Variants in CTNNA3 observed in about 807,000 individuals in gnomAD.
The protein encoded by CTNNA3 is catenin alpha-3.
Under a neutral mutation model 95.7 loss-of-function variants are expected in CTNNA3, and 76 were observed. The ratio of observed to expected loss-of-function variants is 0.79; its 90% CI spans 0.66 to 0.96. The LOEUF is 0.96. Ranked by LOEUF, CTNNA3 falls within the 40% of genes least tolerant of loss-of-function variation. The pLI is 0.00. For synonymous variants in CTNNA3, 431 were observed against 374.4 expected, an observed-to-expected ratio of 1.15 and a Z score of -1.74; for missense variants, 1,191 against 1,089.8, an observed-to-expected ratio of 1.09 and a Z score of -1.31.
chr10:67,435,489 G>GA (rs1007479915), intron 5 of CTNNA3, among the ~76,000 whole-genome samples: 5 of 151,414 alleles, frequency 3.3e-5, no homozygotes, highest in African/African-American at 1.2e-4. Context: ...TCAGACAAGA[G>GA]AAAAAAAATG....
At chr10:66,025,954 C>G (rs886503245) in intron 15 of CTNNA3, among the ~76,000 whole-genome samples, 14 of 152,184 alleles carry the variant, frequency 9.2e-5, no homozygotes, top group African/African-American at 3.4e-4. Flanking sequence ...CTCACATGTG[C>G]ACACACGCAC....
At chr10:66,851,160 T>C (rs1223586088) in intron 7 of CTNNA3, among the ~76,000 whole-genome samples, 1 of 152,128 alleles carries the variant, frequency 6.6e-6, no homozygotes, top group Non-Finnish European at 1.5e-5. Flanking sequence ...CCCTCCTCTC[T>C]GTGAAGTTAG....
At chr10:66,413,106 G>A (rs926209813) in intron 11 of CTNNA3, among the ~76,000 whole-genome samples, 1 of 152,078 alleles carries the variant, frequency 6.6e-6, no homozygotes, top group African/African-American at 2.4e-5. Context: ...ACTCTATCTT[G>A]TAAATGCACA....
chr10:66,302,136 A>G (rs2091871383), intron 12 of CTNNA3, among the ~76,000 whole-genome samples: 2 of 152,100 alleles, frequency 1.3e-5, no homozygotes, highest in African/African-American at 4.8e-5. Context: ...CCATGTGAAG[A>G]AAATTACAGA....
At chr10:66,764,977 T>A (rs4436449) in intron 9 of CTNNA3, among the ~76,000 whole-genome samples, 129,360 of 152,186 alleles carry the variant, frequency 0.85, 55,282 homozygotes, top group East Asian at 1. Flanking sequence ...GGTTTGGGTT[T>A]TATATCTTTA....
intron 11 of CTNNA3, among the ~76,000 whole-genome samples, chr10:66,420,325 A>G (rs912319292): frequency 2.0e-5 from 3 of 152,156 alleles, no homozygotes; most frequent in Non-Finnish European, 4.4e-5. Context: ...CAAAACCACA[A>G]TGAAATATTA....
At chr10:67,137,269 T>A (rs1312451785) in intron 7 of CTNNA3, among the ~76,000 whole-genome samples, 1 of 151,144 alleles carries the variant, frequency 6.6e-6, no homozygotes, top group African/African-American at 2.4e-5. Context: ...GTTTATATAT[T>A]GTTTTTGTCA....
In CTNNA3 at chr10:66,651,387, C is replaced by T. The variant is rs192429948; in HGVS notation, c.1282-29603G>A. Among the ~76,000 whole-genome samples the T allele has an allele frequency of 1.6e-3, 240 of 152,320 alleles. 2 individuals carry two copies. Among genetic ancestry groups the T allele is most frequent in the African/African-American group, 5.6e-3 (234 of 41,580 alleles). ...TCCAAGTCCCCACCTGACTCAGGAG[C>T]CCAGCTGGCTTCCTCTAGTGGATCA... On this transcript the variant is annotated intron_variant, in intron 9 of 17. Transcript: ENST00000433211.
At chr10:67,333,258 TAAAATGGCTGATGTTCCTA>T (rs1169279924) in intron 5 of CTNNA3, among the ~76,000 whole-genome samples, 3 of 152,104 alleles carry the variant, frequency 2.0e-5, no homozygotes, top group South Asian at 2.1e-4. Context: ...GAACTAAGAC[TAAAATGGCTGATGTTCCTA>T]AAAACCTCCC....
intron 7 of CTNNA3, among the ~76,000 whole-genome samples, chr10:66,978,202 G>A (rs1175946121): frequency 6.6e-6 from 1 of 151,908 alleles, no homozygotes; most frequent in Non-Finnish European, 1.5e-5. Context: ...CTAGAGATCT[G>A]CTGCACAACA....
In CTNNA3 at chr10:66,287,424, C is replaced by T. The variant is rs374325208; in HGVS notation, c.1733-6803G>A. Among the ~76,000 whole-genome samples, 6 of 151,990 alleles carry T rather than the reference C, an allele frequency of 3.9e-5. 1 individual carries two copies. The East Asian group carries it at 1.2e-3, about 29-fold the overall frequency. ...AAACTCTGTCAGGTCACTTTGTTTC[C>T]TCAGGAAAGTAGTAGGTAGTAGAGT... On this transcript the variant is annotated intron_variant, in intron 12 of 17. Coordinates refer to ENST00000433211, the MANE Select transcript of CTNNA3 (RefSeq NM_013266.4).
intron 5 of CTNNA3, among the ~76,000 whole-genome samples, chr10:67,302,527 A>G (rs1009885388): frequency 6.6e-6 from 1 of 152,256 alleles, no homozygotes; most frequent in Non-Finnish European, 1.5e-5. Context: ...TAATGTTTAT[A>G]CAATAAATAT....
chr10:67,180,270 T>C lies in CTNNA3; in HGVS notation c.1047+47A>G, dbSNP rs1862457180. 5 of 1,486,152 alleles carry C rather than the reference T, an allele frequency of 3.4e-6. No individual in the cohort carries two copies. The East Asian group carries it at 6.8e-5, about 20-fold the overall frequency. The allele number at this position is 1,486,152 out of a possible 1,614,324, so 92.1% of individuals were successfully genotyped here. A position where few individuals can be genotyped will look rare whatever the true frequency, so the allele number is the denominator to read the frequency against. ...AAAGTATCTCAGCCTATATTCAAAG[T>C]ACAAGGGAAGAGGGGCTAGGGATGG... On this transcript the variant is annotated intron_variant, in intron 7 of 17. Transcript: ENST00000433211.
chr10:67,633,015 G>A lies in CTNNA3; in HGVS notation c.99+14400C>T, dbSNP rs184748641. On this transcript the variant is annotated intron_variant, in intron 2 of 17. Transcript: ENST00000433211. ...GGGAGGGGCGGCCACCATCTCCATG[G>A]TTCAGTCGACTCAGCCATTCCAGCC... Among the ~76,000 whole-genome samples, 542 of 152,288 alleles carry A rather than the reference G, an allele frequency of 3.6e-3. 3 individuals carry two copies. The highest frequency in any genetic ancestry group is 4.7e-3 in the Non-Finnish European group (320 of 68,026).
At chr10:66,243,614 C>T (rs1351785549) in intron 13 of CTNNA3, among the ~76,000 whole-genome samples, 1 of 152,194 alleles carries the variant, frequency 6.6e-6, no homozygotes, top group African/African-American at 2.4e-5. Flanking sequence ...AACCAATGTA[C>T]ATCTTACATG....
intron 5 of CTNNA3, among the ~76,000 whole-genome samples, chr10:67,370,807 A>G (rs2132700050): frequency 6.6e-6 from 1 of 152,250 alleles, no homozygotes; most frequent in South Asian, 2.1e-4. Flanking sequence ...AAACAGATGA[A>G]AAGAAACTTG....
At chr10:67,622,886 C>A (rs563500811) in intron 2 of CTNNA3, among the ~76,000 whole-genome samples, 1 of 152,148 alleles carries the variant, frequency 6.6e-6, no homozygotes. Flanking sequence ...CTTCATCCTA[C>A]CATAAAAATA....
intron 15 of CTNNA3, among the ~76,000 whole-genome samples, chr10:66,032,466 A>G (rs1199374080): frequency 1.3e-5 from 2 of 152,174 alleles, no homozygotes; most frequent in African/African-American, 4.8e-5. Flanking sequence ...TTTAAATAAT[A>G]CTGCAGATTT....
intron 7 of CTNNA3, among the ~76,000 whole-genome samples, chr10:66,899,926 TAGC>T (rs1383117787): frequency 6.6e-6 from 1 of 152,144 alleles, no homozygotes; most frequent in East Asian, 1.9e-4. Context: ...GGGCAGGGCA[TAGC>T]TCAACAAAAG....
Sources: allele counts gnomAD v4.1 joint callset (sites outside exome capture counted in the v4.1 genomes callset), GRCh38; gene constraint gnomAD v4.1.1; transcripts MANE v1.5; gene names NCBI Gene and HGNC (gene_info 2026-07-23, HGNC 2026-07-21).